Variants in SAMMSON observed in about 807,000 individuals in gnomAD.
SAMMSON encodes the protein survival associated mitochondrial melanoma specific oncogenic non-coding RNA, also known as long intergenic non-protein coding RNA 1212.
At chr3:70,391,447 C>T (rs965606937), downstream of SAMMSON, among the ~76,000 whole-genome samples, 7 of 151,208 alleles carry the variant, frequency 4.6e-5, no homozygotes, top group Admixed American at 4.6e-4. Context: ...AAGGGTACAA[C>T]ATGTGTTTTA....
intron 9 of SAMMSON, among the ~76,000 whole-genome samples, chr3:70,365,970 CTTTTTTTTTTTTTT>C (rs1193657961): frequency 1.1e-4 from 3 of 27,772 alleles, no homozygotes; most frequent in Non-Finnish European, 2.2e-4. Context: ...TTTACCTTTT[CTTTTTTTTTTTTTT>C]TTTTTTTTTT....
intron 4 of SAMMSON, among the ~76,000 whole-genome samples, chr3:70,220,836 G>A (rs1348894769): frequency 1.3e-5 from 2 of 152,072 alleles, no homozygotes; most frequent in East Asian, 3.9e-4. Flanking sequence ...CCTTTTTTGT[G>A]CTTCCATGAC....
chr3:70,016,232 C>A (rs1450436036), intron 3 of SAMMSON, among the ~76,000 whole-genome samples: 1 of 152,136 alleles, frequency 6.6e-6, no homozygotes, highest in Admixed American at 6.5e-5. Context: ...CCTGTTGTTT[C>A]CTGACTTTTT....
At chr3:70,197,352 A>C (rs566211955) in intron 4 of SAMMSON, among the ~76,000 whole-genome samples, 1 of 152,196 alleles carries the variant, frequency 6.6e-6, no homozygotes, top group Non-Finnish European at 1.5e-5. Flanking sequence ...CCCCCATGTC[A>C]GTACTCACTC....
Position 70,430,316 on chromosome 3 carries a change from C to T in SAMMSON, n.234-32244C>T, listed in dbSNP as rs1306749942. 2.6e-5 allele frequency among the ~76,000 whole-genome samples: 4 copies of T among 152,270 alleles called. No homozygotes were observed. The East Asian group carries it at 7.7e-4, about 29-fold the overall frequency. ...CCAGCCTTGCATACCAGGGATGAAG[C>T]TGGCTTGATCGTGGTGAATAAGCTT... is the stretch of plus-strand genomic sequence containing the variant. On this transcript the variant is annotated intron_variant and non_coding_transcript_variant, in intron 2 of 3. Coordinates refer to the SAMMSON transcript ENST00000641053.
chr3:70,085,221 G>GA (rs1187945372), intron 4 of SAMMSON, among the ~76,000 whole-genome samples: 1 of 152,086 alleles, frequency 6.6e-6, no homozygotes, highest in Non-Finnish European at 1.5e-5. Flanking sequence ...TCCCAATCCT[G>GA]AAAAAAATAT....
chr3:70,026,528 G>A (rs952323132), intron 3 of SAMMSON, among the ~76,000 whole-genome samples: 1 of 152,124 alleles, frequency 6.6e-6, no homozygotes, highest in South Asian at 2.1e-4. Context: ...AAATATTGAA[G>A]ACATATCAAG....
chr3:70,430,475 G>C (rs1360996692), intron 2 of SAMMSON, among the ~76,000 whole-genome samples: 1 of 152,132 alleles, frequency 6.6e-6, no homozygotes, highest in African/African-American at 2.4e-5. Context: ...AGTAGAAGGA[G>C]TAACATGGAG....
chr3:70,194,492 G>C (rs117761848), intron 4 of SAMMSON, among the ~76,000 whole-genome samples: 3 of 152,280 alleles, frequency 2.0e-5, no homozygotes, highest in East Asian at 3.9e-4. Context: ...TTGCAAAAAG[G>C]ATGATGTTTT....
At chr3:70,011,274 C>G (rs2066954471) in intron 1 of SAMMSON, among the ~76,000 whole-genome samples, 1 of 152,042 alleles carries the variant, frequency 6.6e-6, no homozygotes, top group African/African-American at 2.4e-5. Flanking sequence ...AACAAAAAGT[C>G]TTCCACTTTG....
chr3:70,026,118 G>A (rs1459268541), intron 3 of SAMMSON, among the ~76,000 whole-genome samples: 1 of 152,082 alleles, frequency 6.6e-6, no homozygotes, highest in East Asian at 1.9e-4. Flanking sequence ...GACACAGTGA[G>A]GTGTTTCTTA....
chr3:70,417,153 C>T (rs747055783), intron 2 of SAMMSON, among the ~76,000 whole-genome samples: 5 of 152,112 alleles, frequency 3.3e-5, no homozygotes, highest in Admixed American at 6.5e-5. Context: ...AAACCCAACA[C>T]GCTTTCCTGA....
chr3:70,110,405 C>T (rs58452430), intron 4 of SAMMSON, among the ~76,000 whole-genome samples: 1 of 152,096 alleles, frequency 6.6e-6, no homozygotes, highest in South Asian at 2.1e-4. Context: ...CAGCCAATTC[C>T]ATCTAACTCA....
chr3:70,126,397 GA>G, intron 4 of SAMMSON: 1 of 842,712 alleles, frequency 1.2e-6, no homozygotes, highest in Non-Finnish European at 2.0e-6. Context: ...GCTTTTTAGG[GA>G]ATGTGGCAAA....
intron 6 of SAMMSON, among the ~76,000 whole-genome samples, chr3:70,262,695 C>A (rs1044353612): frequency 6.6e-6 from 1 of 152,146 alleles, no homozygotes; most frequent in South Asian, 2.1e-4. Context: ...ATGCACCATG[C>A]TTGCCTTGCT....
At chr3:70,289,050 C>T (rs1360333310) in intron 6 of SAMMSON, among the ~76,000 whole-genome samples, 5 of 151,834 alleles carry the variant, frequency 3.3e-5, no homozygotes, top group East Asian at 1.9e-4. Flanking sequence ...GAGCATTTAG[C>T]CCATTTACAT....
chr3:70,018,133 C>T (rs12632015), intron 3 of SAMMSON, among the ~76,000 whole-genome samples: 6 of 151,806 alleles, frequency 4.0e-5, no homozygotes, highest in South Asian at 2.1e-4. Context: ...CTTTTTCTAT[C>T]AATTGGAATA....
chr3:70,259,460 G>C (rs1701845679), intron 6 of SAMMSON, among the ~76,000 whole-genome samples: 1 of 151,994 alleles, frequency 6.6e-6, no homozygotes, highest in African/African-American at 2.4e-5. Context: ...CTCACACCCA[G>C]GTCTGGGAGG....
chr3:70,266,615 A>G (rs1410650393), intron 6 of SAMMSON, among the ~76,000 whole-genome samples: 1 of 151,414 alleles, frequency 6.6e-6, no homozygotes, highest in Non-Finnish European at 1.5e-5. Flanking sequence ...TAATTTTTTT[A>G]TTTTTATTTC....
Sources: gnomAD v4.1 joint callset for allele counts (sites outside exome capture counted in the v4.1 genomes callset) on GRCh38, gnomAD v4.1.1 for gene constraint, MANE v1.5 for transcripts, NCBI Gene and HGNC (gene_info 2026-07-23, HGNC 2026-07-21) for gene names.